Variants in SUFU observed in about 807,000 individuals in gnomAD.
SUFU encodes suppressor of fused homolog.
In SUFU, 7 loss-of-function variants were observed where a neutral mutation model predicts 58.9. That is an observed-to-expected ratio of 0.12 (90% CI 0.07 to 0.22). The LOEUF is 0.22. Among genes scored for constraint, SUFU ranks in the 10% least tolerant of loss-of-function variants. The pLI, the probability that SUFU is intolerant of heterozygous loss-of-function variation, is 1.00. For missense variants in SUFU, 451 were observed against 641.3 expected (o/e 0.70, Z 3.20); for synonymous variants, 232 against 254.8 (o/e 0.91, Z 0.85).
chr10:102,522,048 T>A (rs2062558038), intron 2 of SUFU, among the ~76,000 whole-genome samples: 1 of 152,264 alleles, frequency 6.6e-6, no homozygotes, highest in African/African-American at 2.4e-5. Flanking sequence ...GCATCTCATC[T>A]TCTTAGTGAG....
At chr10:102,535,225 G>A (rs536031345) in intron 2 of SUFU, among the ~76,000 whole-genome samples, 5 of 152,284 alleles carry the variant, frequency 3.3e-5, no homozygotes, top group East Asian at 1.9e-4. Flanking sequence ...GGTGGCTCAC[G>A]CCTGTAATCC....
intron 8 of SUFU, among the ~76,000 whole-genome samples, chr10:102,607,914 CA>C (rs1183038612): frequency 8.3e-4 from 94 of 113,848 alleles, no homozygotes; most frequent in Middle Eastern, 5.6e-3. Flanking sequence ...CCATCTCAAA[CA>C]AAAAAAAAAA....
At chr10:102,524,622 A>T (rs956390799) in intron 2 of SUFU, among the ~76,000 whole-genome samples, 1 of 152,036 alleles carries the variant, frequency 6.6e-6, no homozygotes, top group South Asian at 2.1e-4. Flanking sequence ...TGCCCAGCCT[A>T]TTTCTTCTTT....
At chr10:102,563,663 T>G (rs1245627174) in intron 3 of SUFU, among the ~76,000 whole-genome samples, 1 of 151,442 alleles carries the variant, frequency 6.6e-6, no homozygotes, top group Non-Finnish European at 1.5e-5. Context: ...GCCACTGCAC[T>G]CCAGCCTAGG....
intron 8 of SUFU, among the ~76,000 whole-genome samples, chr10:102,610,610 A>G (rs548871352): frequency 1.3e-5 from 2 of 152,270 alleles, no homozygotes; most frequent in African/African-American, 4.8e-5. Flanking sequence ...AGCATACCCA[A>G]AGAGTAATGA....
chr10:102,507,505 G>A (rs2062341787), intron 1 of SUFU, among the ~76,000 whole-genome samples: 1 of 152,170 alleles, frequency 6.6e-6, no homozygotes, highest in Non-Finnish European at 1.5e-5. Flanking sequence ...GTGATTTGTT[G>A]AAATCAGTTA....
At chr10:102,515,315 C>CTTTT (rs35257917) in intron 2 of SUFU, among the ~76,000 whole-genome samples, 3 of 130,242 alleles carry the variant, frequency 2.3e-5, no homozygotes, top group Non-Finnish European at 3.3e-5. Flanking sequence ...TTTGCCGGAA[C>CTTTT]TTTTTTTTTT....
chr10:102,611,986 G>GA, intron 8 of SUFU, among the ~76,000 whole-genome samples: 1 of 152,336 alleles, frequency 6.6e-6, no homozygotes, highest in South Asian at 2.1e-4. Context: ...CAGCCCAGCT[G>GA]AAAAATTAGG....
intron 8 of SUFU, among the ~76,000 whole-genome samples, chr10:102,603,811 C>A (rs7099180): frequency 1.3e-5 from 2 of 152,214 alleles, no homozygotes; most frequent in African/African-American, 4.8e-5. Flanking sequence ...TGACTTTGCT[C>A]CCTCTAATTC....
At chr10:102,622,471 G>A (rs1428599616) in intron 10 of SUFU, among the ~76,000 whole-genome samples, 1 of 152,234 alleles carries the variant, frequency 6.6e-6, no homozygotes, top group East Asian at 1.9e-4. Context: ...TGCCAGGCAC[G>A]GTGGCTCACA....
At chr10:102,568,231 T>A (rs1367040503) in intron 3 of SUFU, among the ~76,000 whole-genome samples, 1 of 151,838 alleles carries the variant, frequency 6.6e-6, no homozygotes, top group East Asian at 1.9e-4. Flanking sequence ...AAAGTATGAC[T>A]TTGATTATAC....
In SUFU at chr10:102,592,674, C is replaced by T. The variant is rs1423074548; in HGVS notation, c.547C>T (p.Pro183Ser). The T allele has an allele frequency of 1.2e-6, 2 of 1,614,214 alleles. No individual in the cohort carries two copies. Among genetic ancestry groups the T allele is most frequent in the Non-Finnish European group, 1.7e-6 (2 of 1,180,038 alleles). The change falls in exon 4 of 12, where the codon CCA becomes TCA. Residue 183 changes from proline (P) to serine (S), a missense_variant. Pro to Ser is a moderately conservative substitution (Grantham distance 74). Transcript: ENST00000369902. ...RIQHMLLTEDPQMQPVQTPFG... is the reference protein window; with the variant it reads ...RIQHMLLTEDSQMQPVQTPFG... ...TCAGCACATGCTGCTGACAGAGGAC[C>T]CACAGATGCAGCCCGTGCAGACACC...
intron 11 of SUFU, 118 bp downstream of exon 11, chr10:102,627,361 C>A: frequency 1.0e-6 from 1 of 961,568 alleles, no homozygotes; most frequent in Non-Finnish European, 1.7e-6. Context: ...TGTGTGCTTG[C>A]ATGTATCTGT....
rs928113064 is a variant in SUFU, at chr10:102,632,126, C to T, written c.*1971C>T. Reference sequence around the variant, plus strand: ...CTGAGGGCTCCCTGCTGCAGTTCGCCGTACTTCCATCTGCTGGGTGCCTCC... The same window carrying T: ...CTGAGGGCTCCCTGCTGCAGTTCGCTGTACTTCCATCTGCTGGGTGCCTCC... On this transcript the variant is annotated 3_prime_UTR_variant, in exon 12 of 12. Transcript: ENST00000369902. The T allele has an allele frequency of 1.1e-4, 25 of 233,280 alleles. No individual in the cohort carries two copies. Among genetic ancestry groups the T allele is most frequent in the African/African-American group, 4.4e-4 (20 of 45,322 alleles). The allele number at this position is 233,280 out of a possible 1,614,324, so 14.5% of individuals were successfully genotyped here.
rs551256154 is a variant in SUFU at position 102,617,758 on chromosome 10, G to A, written c.1296+330G>A. The A allele has an allele frequency of 7.6e-5, 42 of 553,450 alleles. No individual in the cohort carries two copies. The South Asian group carries it at 9.3e-4, about 12-fold the overall frequency. The allele number at this position is 553,450 out of a possible 1,614,324, so 34.3% of individuals were successfully genotyped here. A position where few individuals can be genotyped will look rare whatever the true frequency, so the allele number is the denominator to read the frequency against. ...CTTTCTGCACCTTGGGTAAACCAAGGTACAAGAACTCAAGGATGAAGCAAG... is the reference window on the plus strand; with the variant it reads ...CTTTCTGCACCTTGGGTAAACCAAGATACAAGAACTCAAGGATGAAGCAAG... On this transcript the variant is annotated intron_variant, in intron 10 of 11. Coordinates refer to ENST00000369902, the MANE Select transcript of SUFU (RefSeq NM_016169.4). This position sits in a 1 kb window ranked among gnomAD's most constrained non-coding sequence, Gnocchi z 4.4.
Position 102,628,596 on chromosome 10 carries a change from G to A in SUFU, c.1365+1353G>A, listed in dbSNP as rs1233967224. Among the ~76,000 whole-genome samples, 1 of 152,188 alleles carries A rather than the reference G, an allele frequency of 6.6e-6. No individual in the cohort carries two copies. Among genetic ancestry groups the A allele is most frequent in the African/African-American group, 2.4e-5 (1 of 41,440 alleles). On this transcript the variant is annotated intron_variant, in intron 11 of 11. Coordinates refer to ENST00000369902, the MANE Select transcript of SUFU (RefSeq NM_016169.4). The surrounding 1 kb of genome is among the most constrained non-coding windows in gnomAD (Gnocchi z 4.5). ...GGAGGGGGACAGTCCAGGCAAGAGG[G>A]ACAGAAGCCTGGGGGAGCAGAGGAA...
chr10:102,608,937 C>T (rs774842399), intron 8 of SUFU, among the ~76,000 whole-genome samples: 1 of 152,162 alleles, frequency 6.6e-6, no homozygotes, highest in Non-Finnish European at 1.5e-5. Flanking sequence ...ATCGAATACC[C>T]TTTGGGAAGT....
At chr10:102,599,110 C>T (rs1046129091) in intron 7 of SUFU, among the ~76,000 whole-genome samples, 1 of 152,172 alleles carries the variant, frequency 6.6e-6, no homozygotes, top group African/African-American at 2.4e-5. Flanking sequence ...TAGTCAGTCA[C>T]TGTGTGGAGC....
intron 3 of SUFU, among the ~76,000 whole-genome samples, chr10:102,577,229 G>A (rs12784963): frequency 0.53 from 80,054 of 151,572 alleles, 21,608 homozygotes; most frequent in Middle Eastern, 0.63. Context: ...CATTATAGGC[G>A]TCCACTAACA....
Sources: allele counts gnomAD v4.1 joint callset (sites outside exome capture counted in the v4.1 genomes callset), GRCh38; gene constraint gnomAD v4.1.1; non-coding constraint Gnocchi (gnomAD v3.1); transcripts MANE v1.5; gene names NCBI Gene and HGNC (gene_info 2026-07-23, HGNC 2026-07-21).